The following CELF4 variants were observed in gnomAD, a reference collection of about 807,000 sequenced individuals.
CELF4 encodes the protein CUG-BP- and ETR-3-like factor 4.
In CELF4, 18 loss-of-function variants were observed where a neutral mutation model predicts 59.9. That is an observed-to-expected ratio of 0.30 (90% CI 0.21 to 0.45). The LOEUF is 0.45. Among genes scored for constraint, CELF4 ranks in the 20% least tolerant of loss-of-function variants. CELF4 has a pLI of 1.00. For synonymous variants in CELF4, 261 were observed against 267.1 expected, an observed-to-expected ratio of 0.98 and a Z score of 0.22; for missense variants, 456 against 689.0, an observed-to-expected ratio of 0.66 and a Z score of 3.79.
intron 2 of CELF4, among the ~76,000 whole-genome samples, chr18:37,414,472 A>G (rs2099509571): frequency 7.3e-6 from 1 of 137,046 alleles, no homozygotes; most frequent in African/African-American, 2.7e-5. Context: ...CTATCCATCT[A>G]CCCATCTACT....
chr18:37,275,626 C>A, intron 3 of CELF4: 1 of 258,300 alleles, frequency 3.9e-6, no homozygotes, highest in Non-Finnish European at 7.6e-6. Flanking sequence ...TCCTTCGTCT[C>A]ACATGCTATC....
intron 1 of CELF4, among the ~76,000 whole-genome samples, chr18:37,531,056 C>T (rs1257069323): frequency 6.6e-6 from 1 of 151,858 alleles, no homozygotes; most frequent in Non-Finnish European, 1.5e-5. Context: ...GGGGGTCACC[C>T]GTGGAAGAGC....
chr18:37,304,017 G>T (rs1388338229), intron 3 of CELF4, among the ~76,000 whole-genome samples: 1 of 152,236 alleles, frequency 6.6e-6, no homozygotes, highest in Non-Finnish European at 1.5e-5. Flanking sequence ...CTGACCCAGG[G>T]CCAATGTTGC....
intron 3 of CELF4, among the ~76,000 whole-genome samples, chr18:37,300,660 C>T (rs1481982664): frequency 1.3e-5 from 2 of 152,224 alleles, no homozygotes; most frequent in African/African-American, 4.8e-5. Flanking sequence ...TCCCTGTCTG[C>T]ACGGAGCTCA....
rs549193091 is a variant in CELF4, at chr18:37,533,173, G to A, written c.286+32183C>T. 9.2e-5 allele frequency among the ~76,000 whole-genome samples: 14 copies of A among 152,338 alleles called. No individual in the cohort carries two copies. In the East Asian group the frequency reaches 2.3e-3, roughly 25 times the overall value. On this transcript the variant is annotated intron_variant, in intron 1 of 12. Transcript: ENST00000420428. ...TGCGGGTACACGGCTGCTTACGCAC[G>A]AATGTCTCCTTCCATTGCTGGAGAG...
intron 11 of CELF4, among the ~76,000 whole-genome samples, chr18:37,258,413 G>T (rs983479647): frequency 2.0e-5 from 3 of 152,040 alleles, no homozygotes; most frequent in African/African-American, 7.3e-5. Flanking sequence ...TCCTTTTTGT[G>T]TATTTATATC....
intron 8 of CELF4, among the ~76,000 whole-genome samples, chr18:37,267,581 C>T (rs893980737): frequency 6.6e-6 from 1 of 152,140 alleles, no homozygotes; most frequent in Non-Finnish European, 1.5e-5. Flanking sequence ...CTGGATAACA[C>T]GATGTGGCAG....
At chr18:37,313,871 T>C (rs1469008465) in intron 3 of CELF4, among the ~76,000 whole-genome samples, 1 of 152,178 alleles carries the variant, frequency 6.6e-6, no homozygotes, top group African/African-American at 2.4e-5. Flanking sequence ...GTCACTCACA[T>C]TGTATCCAAC....
At chr18:37,357,326 C>T (rs1406258199) in intron 2 of CELF4, among the ~76,000 whole-genome samples, 1 of 152,194 alleles carries the variant, frequency 6.6e-6, no homozygotes, top group Non-Finnish European at 1.5e-5. Flanking sequence ...GCGTAGAGCT[C>T]GGGCTGTGGC....
At chr18:37,493,471 CAG>C (rs1488283331) in intron 1 of CELF4, among the ~76,000 whole-genome samples, 1 of 152,202 alleles carries the variant, frequency 6.6e-6, no homozygotes, top group Non-Finnish European at 1.5e-5. Flanking sequence ...GCGTAGAATG[CAG>C]AGATTGCTGA....
intron 2 of CELF4, among the ~76,000 whole-genome samples, chr18:37,412,153 C>G (rs1002931438): frequency 6.6e-6 from 1 of 152,220 alleles, no homozygotes; most frequent in Non-Finnish European, 1.5e-5. Context: ...CACAGAGTAC[C>G]TACTGTGGCT....
chr18:37,245,155 GA>G lies in CELF4; in HGVS notation c.*86del, dbSNP rs1181309221. 6.6e-6 allele frequency: 1 copy of G among 152,250 alleles called. No homozygotes were observed. The highest frequency in any genetic ancestry group is 1.5e-5 in the Non-Finnish European group (1 of 68,028). 9.4% of individuals were successfully genotyped at this position (152,250 alleles called of 1,614,324 possible). On this transcript the variant is annotated 3_prime_UTR_variant, in exon 13 of 13. Transcript: ENST00000420428. The surrounding 1 kb of genome is among the most constrained non-coding windows in gnomAD (Gnocchi z 4.1). ...CAGTTCTCATTTATAAATATATATAGAGAGAGGTTTGTTTTTTAATGTAGCC... is the reference window on the plus strand; with the variant it reads ...CAGTTCTCATTTATAAATATATATAGGAGAGGTTTGTTTTTTAATGTAGCC...
chr18:37,412,538 A>C (rs1241483840), intron 2 of CELF4, among the ~76,000 whole-genome samples: 2 of 150,074 alleles, frequency 1.3e-5, no homozygotes, highest in Non-Finnish European at 3.0e-5. Flanking sequence ...GTGTGTATGG[A>C]TGGGTGGGTG....
intron 2 of CELF4, among the ~76,000 whole-genome samples, chr18:37,437,608 C>T (rs567271315): frequency 1.3e-5 from 2 of 152,272 alleles, no homozygotes; most frequent in South Asian, 2.1e-4. Flanking sequence ...GAGTGGCTGC[C>T]GTCTCTTCCT....
At chr18:37,487,763 A>AGAG (rs753737144) in intron 1 of CELF4, among the ~76,000 whole-genome samples, 1 of 151,878 alleles carries the variant, frequency 6.6e-6, no homozygotes, top group South Asian at 2.1e-4. Context: ...GGAGGGAGGA[A>AGAG]GAGGAGGAGG....
At chr18:37,282,695 A>G (rs963440533) in intron 3 of CELF4, among the ~76,000 whole-genome samples, 8 of 152,166 alleles carry the variant, frequency 5.3e-5, no homozygotes, top group Non-Finnish European at 8.8e-5. Context: ...ACCCCTGATC[A>G]GGTCGGCGCA....
intron 3 of CELF4, among the ~76,000 whole-genome samples, chr18:37,315,030 G>C (rs1260232260): frequency 6.6e-6 from 1 of 150,524 alleles, no homozygotes; most frequent in Non-Finnish European, 1.5e-5. Context: ...GTGGCCACCT[G>C]TGTGTGTCTG....
intron 2 of CELF4, among the ~76,000 whole-genome samples, chr18:37,360,072 C>T (rs751512260): frequency 1.4e-4 from 21 of 151,900 alleles, no homozygotes; most frequent in Non-Finnish European, 2.2e-4. Flanking sequence ...AGACTGGTCT[C>T]GAACTCCTGA....
intron 1 of CELF4, among the ~76,000 whole-genome samples, chr18:37,508,741 G>T (rs1363907183): frequency 6.6e-6 from 1 of 152,214 alleles, no homozygotes; most frequent in East Asian, 1.9e-4. Flanking sequence ...GCCATTGGTT[G>T]GTCTCCTTAG....
Sources: allele counts gnomAD v4.1 joint callset (sites outside exome capture counted in the v4.1 genomes callset), GRCh38; gene constraint gnomAD v4.1.1; non-coding constraint Gnocchi (gnomAD v3.1); transcripts MANE v1.5; gene names NCBI Gene and HGNC (gene_info 2026-07-23, HGNC 2026-07-21).